Variants in CCDC178 observed in about 807,000 individuals in gnomAD.
CCDC178 encodes the protein coiled-coil domain-containing protein 178.
Under a neutral mutation model 117.4 loss-of-function variants are expected in CCDC178, and 126 were observed. That is an observed-to-expected ratio of 1.07 (90% confidence interval 0.93 to 1.24). CCDC178 has a LOEUF of 1.24. Among genes scored for constraint, CCDC178 ranks in the 50% most tolerant of loss-of-function variants. The pLI is 0.00. For synonymous variants in CCDC178, 283 were observed against 313.4 expected (o/e 0.90, Z 1.02); for missense variants, 1,030 against 986.9 (o/e 1.04, Z -0.59).
chr18:32,960,244 G>A (rs1263707606), intron 22 of CCDC178, among the ~76,000 whole-genome samples: 1 of 152,056 alleles, frequency 6.6e-6, no homozygotes, highest in African/African-American at 2.4e-5. Flanking sequence ...AGGCACTCAT[G>A]GATATTGTCA....
At chr18:33,248,573 A>G (rs903682713) in intron 14 of CCDC178, among the ~76,000 whole-genome samples, 4 of 151,984 alleles carry the variant, frequency 2.6e-5, no homozygotes, top group African/African-American at 9.7e-5. Context: ...AGCTTCATCC[A>G]TGTCCCTACA....
intron 21 of CCDC178, among the ~76,000 whole-genome samples, chr18:33,036,752 T>C (rs1221010729): frequency 6.6e-6 from 1 of 151,918 alleles, no homozygotes; most frequent in Admixed American, 6.6e-5. Context: ...AGTTTGGATT[T>C]TGAAGAATCA....
intron 18 of CCDC178, among the ~76,000 whole-genome samples, chr18:33,216,009 G>T (rs751746893): frequency 6.6e-6 from 1 of 151,846 alleles, no homozygotes; most frequent in Non-Finnish European, 1.5e-5. Flanking sequence ...GAGGTGGGAG[G>T]ATCACTTTAG....
intron 21 of CCDC178, among the ~76,000 whole-genome samples, chr18:33,038,333 C>A (rs2056483667): frequency 6.6e-6 from 1 of 151,866 alleles, no homozygotes. Flanking sequence ...GACTACAAAG[C>A]AGATATTATG....
intron 21 of CCDC178, among the ~76,000 whole-genome samples, chr18:33,023,593 T>C (rs1429664762): frequency 6.6e-6 from 1 of 152,150 alleles, no homozygotes; most frequent in Non-Finnish European, 1.5e-5. Context: ...GAAAAATTAA[T>C]AGCACTAGGT....
intron 5 of CCDC178, among the ~76,000 whole-genome samples, chr18:33,379,359 C>T (rs1051996663): frequency 6.6e-6 from 1 of 151,970 alleles, no homozygotes; most frequent in Non-Finnish European, 1.5e-5. Flanking sequence ...ATTCAACCTA[C>T]AAGCCAATAG....
chr18:33,345,551 A>C (rs997778846), intron 9 of CCDC178, among the ~76,000 whole-genome samples: 2 of 152,166 alleles, frequency 1.3e-5, no homozygotes, highest in Non-Finnish European at 2.9e-5. Flanking sequence ...ATATCACTTA[A>C]AACTCTTTCA....
intron 3 of CCDC178, among the ~76,000 whole-genome samples, 193 bp downstream of exon 3, chr18:33,411,838 C>A (rs2063859106): frequency 6.6e-6 from 1 of 152,048 alleles, no homozygotes; most frequent in Non-Finnish European, 1.5e-5. Context: ...GATTATAATT[C>A]AGATAATGTG....
chr18:33,017,745 G>A (rs967925630), intron 21 of CCDC178, among the ~76,000 whole-genome samples: 5 of 151,858 alleles, frequency 3.3e-5, no homozygotes, highest in Admixed American at 6.6e-5. Flanking sequence ...TAGAAACACA[G>A]AAGAATGGAA....
At chr18:33,269,345 A>C (rs1478707444) in intron 12 of CCDC178, among the ~76,000 whole-genome samples, 1 of 151,768 alleles carries the variant, frequency 6.6e-6, no homozygotes, top group Non-Finnish European at 1.5e-5. Context: ...CTCCAACATA[A>C]CTCCTGGGAA....
At chr18:33,361,176 A>G (rs979942325) in intron 6 of CCDC178, among the ~76,000 whole-genome samples, 18 of 151,752 alleles carry the variant, frequency 1.2e-4, no homozygotes, top group African/African-American at 4.3e-4. Context: ...GAGAGTCCAG[A>G]AATAAGTTAA....
At chr18:32,997,961 G>C (rs917141737) in intron 21 of CCDC178, among the ~76,000 whole-genome samples, 3 of 152,190 alleles carry the variant, frequency 2.0e-5, no homozygotes, top group African/African-American at 4.8e-5. Flanking sequence ...CTCCCGACAG[G>C]AGCATCAAAT....
At chr18:33,186,921 G>C (rs544148959) in intron 20 of CCDC178, among the ~76,000 whole-genome samples, 200 of 152,122 alleles carry the variant, frequency 1.3e-3, no homozygotes, top group Non-Finnish European at 2.5e-3. Flanking sequence ...TGGACAGACA[G>C]ACATGCTGTA....
At chr18:33,377,095 G>T (rs1342857009) in intron 5 of CCDC178, among the ~76,000 whole-genome samples, 1 of 152,070 alleles carries the variant, frequency 6.6e-6, no homozygotes, top group African/African-American at 2.4e-5. Context: ...TCTTTTCTCT[G>T]CAGAGTTGTC....
chr18:33,048,911 T>A (rs1352976158), intron 21 of CCDC178, among the ~76,000 whole-genome samples: 2 of 152,150 alleles, frequency 1.3e-5, no homozygotes, highest in African/African-American at 4.8e-5. Context: ...AAAACCTCAC[T>A]TACAAAATGT....
intron 5 of CCDC178, among the ~76,000 whole-genome samples, chr18:33,374,733 C>T (rs1599238624): frequency 6.6e-6 from 1 of 152,034 alleles, no homozygotes; most frequent in East Asian, 1.9e-4. Context: ...TCTCAAATTT[C>T]CATTAAAGGC....
At chr18:33,379,742 G>A (rs1388675812) in intron 5 of CCDC178, among the ~76,000 whole-genome samples, 1 of 152,150 alleles carries the variant, frequency 6.6e-6, no homozygotes, top group Non-Finnish European at 1.5e-5. Context: ...ATGGAGCAAA[G>A]TGAACCCCCA....
chr18:33,253,829 G>A (rs1252295364), intron 14 of CCDC178, among the ~76,000 whole-genome samples: 1 of 151,738 alleles, frequency 6.6e-6, no homozygotes, highest in Non-Finnish European at 1.5e-5. Flanking sequence ...TTATGTAATT[G>A]GGGAGGATGG....
In CCDC178 at chr18:33,144,502, C is replaced by T. The variant is rs140058762; in HGVS notation, c.2239-51592G>A. 4.6e-4 allele frequency among the ~76,000 whole-genome samples: 69 copies of T among 151,460 alleles called. No homozygotes were observed. In the East Asian group the frequency reaches 0.012, roughly 26 times the overall value. On this transcript the variant is annotated intron_variant, in intron 20 of 22. Coordinates refer to ENST00000383096, the MANE Select transcript of CCDC178 (RefSeq NM_001105528.4). ...TATTATAGTGCTAGCAGAAGCAGCT[C>T]GATTCAATGAATAGGTGAGTTTCTC...
Sources: gnomAD v4.1 joint callset for allele counts (sites outside exome capture counted in the v4.1 genomes callset) on GRCh38, gnomAD v4.1.1 for gene constraint, MANE v1.5 for transcripts, NCBI Gene and HGNC (gene_info 2026-07-23, HGNC 2026-07-21) for gene names.